XXYLT1: variants seen among roughly 807,000 people sequenced by gnomAD.
XXYLT1 encodes UDP-xylose:alpha-xyloside alpha-1,3-xylosyltransferase.
In XXYLT1, 20 loss-of-function variants were observed where a neutral mutation model predicts 28.9. The observed-to-expected ratio is 0.69, with a 90% CI of 0.49 to 1.00. XXYLT1 has a LOEUF of 1.00. Among genes scored for constraint, XXYLT1 ranks in the 50% least tolerant of loss-of-function variants. XXYLT1 has a pLI of 0.00. For missense variants in XXYLT1, 542 were observed against 560.1 expected (o/e 0.97, Z 0.33); for synonymous variants, 257 against 253.8 (o/e 1.01, Z -0.12).
intron 1 of XXYLT1, chr3:195,259,895 G>A (rs1725620349): frequency 6.4e-6 from 1 of 155,226 alleles, no homozygotes; most frequent in African/African-American, 2.4e-5. Flanking sequence ...GGGGCCCCGG[G>A]GAGGACCAGG....
intron 3 of XXYLT1, among the ~76,000 whole-genome samples, chr3:195,143,856 A>C (rs1342218009): frequency 1.1e-4 from 10 of 88,580 alleles, no homozygotes; most frequent in African/African-American, 3.7e-4. Flanking sequence ...ATATATATAG[A>C]TATATATAGA....
chr3:195,153,449 G>T (rs1467309953), intron 3 of XXYLT1, among the ~76,000 whole-genome samples: 1 of 152,192 alleles, frequency 6.6e-6, no homozygotes, highest in Non-Finnish European at 1.5e-5. Context: ...TTCAGCTGAG[G>T]GGTGGAGGGA....
rs1469543677 is a variant in XXYLT1 at position 195,088,643 on chromosome 3, T to C, written c.786-18532A>G. The stretch of plus-strand genomic sequence containing the variant: ...CCTCTCCTCCTCCAAAGGAACGCAG[T>C]TCCTCACCAGCAACAGAACAAAGCT... On this transcript the variant is annotated intron_variant, in intron 3 of 3. Coordinates refer to ENST00000310380, the MANE Select transcript of XXYLT1 (RefSeq NM_152531.5). 3.2e-3 allele frequency among the ~76,000 whole-genome samples: 434 copies of C among 135,574 alleles called. 2 individuals are homozygous for C. The highest frequency in any genetic ancestry group is 0.01 in the African/African-American group (369 of 36,774). The allele number at this position is 135,574 out of a possible 152,430, so 88.9% of individuals were successfully genotyped here.
chr3:195,212,720 G>A (rs1276978234), intron 2 of XXYLT1, among the ~76,000 whole-genome samples: 2 of 152,148 alleles, frequency 1.3e-5, no homozygotes, highest in Admixed American at 6.5e-5. Flanking sequence ...AGGTGGAACC[G>A]TTTCATCCCA....
chr3:195,147,495 G>A (rs138376429), intron 3 of XXYLT1, among the ~76,000 whole-genome samples: 179 of 152,192 alleles, frequency 1.2e-3, no homozygotes, highest in African/African-American at 4.1e-3. Flanking sequence ...GCTTGAACCC[G>A]GGAGGCGGAG....
At chr3:195,143,263 C>T (rs1366084872) in intron 3 of XXYLT1, among the ~76,000 whole-genome samples, 10 of 152,174 alleles carry the variant, frequency 6.6e-5, no homozygotes, top group South Asian at 2.1e-4. Context: ...CAAAGCCTTG[C>T]GGGGTGCAGC....
In XXYLT1 at chr3:195,133,618, T is replaced by C. The variant is rs1719012822; in HGVS notation, c.785+22831A>G. 6.6e-6 allele frequency among the ~76,000 whole-genome samples: 1 copy of C among 152,202 alleles called. No individual in the cohort carries two copies. ...GCCTAACAAGCAGAGGCGGACGAGC[T>C]GCTGTGCCAAACGCTCCCAGATGCA... On this transcript the variant is annotated intron_variant, in intron 3 of 3. Coordinates refer to ENST00000310380, the MANE Select transcript of XXYLT1 (RefSeq NM_152531.5). This position sits in a 1 kb window ranked among gnomAD's most constrained non-coding sequence, Gnocchi z 4.4.
rs1722606299 is a variant in XXYLT1, at chr3:195,195,911, C to T, written c.652+30798G>A. 6.6e-6 allele frequency among the ~76,000 whole-genome samples: 1 copy of T among 152,186 alleles called. No homozygotes were observed. Among genetic ancestry groups the T allele is most frequent in the Admixed American group, 6.5e-5 (1 of 15,286 alleles). On this transcript the variant is annotated intron_variant, in intron 2 of 3. Transcript: ENST00000310380. This position sits in a 1 kb window ranked among gnomAD's most constrained non-coding sequence, Gnocchi z 4.4. ...GGTCAGGACCTCCAAGTCACAGTCCCTCTTTCTCCTCACTGCCTCAGTCTC... is the reference window on the plus strand; with the variant it reads ...GGTCAGGACCTCCAAGTCACAGTCCTTCTTTCTCCTCACTGCCTCAGTCTC...
intron 3 of XXYLT1, among the ~76,000 whole-genome samples, chr3:195,083,836 G>C (rs1715574768): frequency 6.6e-6 from 1 of 152,076 alleles, no homozygotes. Context: ...GACCAGCCCG[G>C]CCAACACAGC....
chr3:195,099,519 C>T (rs1377091963), intron 3 of XXYLT1, among the ~76,000 whole-genome samples: 1 of 152,194 alleles, frequency 6.6e-6, no homozygotes, highest in Non-Finnish European at 1.5e-5. Flanking sequence ...AAGACAGAAC[C>T]ATCTGACGAA....
chr3:195,235,935 T>C (rs1356874361), intron 1 of XXYLT1, among the ~76,000 whole-genome samples: 1 of 149,588 alleles, frequency 6.7e-6, no homozygotes, highest in African/African-American at 2.6e-5. Flanking sequence ...GACATAGACA[T>C]AGACATAGAC....
intron 3 of XXYLT1, among the ~76,000 whole-genome samples, chr3:195,117,114 T>TACACACAGACAC (rs1553805414): frequency 6.7e-4 from 99 of 148,746 alleles, no homozygotes; most frequent in African/African-American, 2.3e-3. Context: ...ATATAGTGTA[T>TACACACAGACAC]ACACACACAC....
intron 1 of XXYLT1, among the ~76,000 whole-genome samples, chr3:195,232,185 T>C (rs1319359725): frequency 6.6e-6 from 1 of 152,182 alleles, no homozygotes; most frequent in Non-Finnish European, 1.5e-5. Flanking sequence ...TTGTTCACAG[T>C]AGCCACTAAT....
At position 195,172,413 on chromosome 3, in the gene XXYLT1, C is replaced by A. The variant is rs145779605; in HGVS notation, c.653-15832G>T. On this transcript the variant is annotated intron_variant, in intron 2 of 3. Transcript: ENST00000310380. Reference sequence around the variant, plus strand: ...GTTCTCTCCGGGGCCAGGGGAAGTACCAAGCCGGAACCTCTGAGTGAGTGT... The same window carrying A: ...GTTCTCTCCGGGGCCAGGGGAAGTAACAAGCCGGAACCTCTGAGTGAGTGT... Among the ~76,000 whole-genome samples the A allele has an allele frequency of 5.4e-4, 82 of 152,326 alleles. 1 individual carries two copies. The South Asian group carries it at 0.013, about 25-fold the overall frequency.
chr3:195,239,014 G>A (rs1182675604), intron 1 of XXYLT1, among the ~76,000 whole-genome samples: 1 of 152,170 alleles, frequency 6.6e-6, no homozygotes, highest in African/African-American at 2.4e-5. Flanking sequence ...AGCTTCACAG[G>A]AGACAACTGC....
chr3:195,221,840 C>T (rs1723838593), intron 2 of XXYLT1, among the ~76,000 whole-genome samples: 1 of 152,094 alleles, frequency 6.6e-6, no homozygotes, highest in Non-Finnish European at 1.5e-5. Context: ...GGGTGAAGAG[C>T]AGAGAGTGGC....
chr3:195,140,065 G>C (rs1719404574), intron 3 of XXYLT1, among the ~76,000 whole-genome samples: 1 of 152,236 alleles, frequency 6.6e-6, no homozygotes, highest in South Asian at 2.1e-4. Context: ...CACAGGCTGA[G>C]AGGGTGCAGC....
chr3:195,225,692 T>C (rs780581401), intron 2 of XXYLT1, among the ~76,000 whole-genome samples: 2 of 151,180 alleles, frequency 1.3e-5, no homozygotes, highest in Non-Finnish European at 1.5e-5. Flanking sequence ...CCAAATCTCA[T>C]CTTGAATTGT....
chr3:195,216,487 C>G (rs1477802184), intron 2 of XXYLT1, among the ~76,000 whole-genome samples: 13 of 150,126 alleles, frequency 8.7e-5, no homozygotes, highest in African/African-American at 2.9e-4. Context: ...GATATCACCA[C>G]CGATCCCACA....
Sources: allele counts gnomAD v4.1 joint callset (sites outside exome capture counted in the v4.1 genomes callset), GRCh38; gene constraint gnomAD v4.1.1; non-coding constraint Gnocchi (gnomAD v3.1); transcripts MANE v1.5; gene names NCBI Gene and HGNC (gene_info 2026-07-23, HGNC 2026-07-21).